Variants in CHADL observed in about 807,000 individuals in gnomAD.
The protein encoded by CHADL is chondroadherin like.
In CHADL, 48 loss-of-function variants were observed where a neutral mutation model predicts 52.1. That is an observed-to-expected ratio of 0.92 (90% CI 0.73 to 1.17). CHADL has a LOEUF of 1.17. Ranked by LOEUF, CHADL falls within the 50% of genes most tolerant of loss-of-function variation. CHADL has a pLI of 0.00. For synonymous variants in CHADL, 498 were observed against 511.2 expected (o/e 0.97, Z 0.35); for missense variants, 977 against 1,035.1 (o/e 0.94, Z 0.77).
At chr22:41,230,757 A>G (rs1284775631) in intron 5 of CHADL, 1 of 154,040 alleles carries the variant, frequency 6.5e-6, no homozygotes, top group Non-Finnish European at 1.4e-5. Flanking sequence ...AAATTCACCA[A>G]GCAGAATGCC....
Position 41,238,421 on chromosome 22 carries a change from C to A in CHADL, c.651G>T (p.Glu217Asp). ...AGACAGGCCCGGGCAGAGCCTGGAG[C>A]TCGTTGTGGTGTAGGCTGAGCCGTC... ...ALRRLSLHHN[E>D]LQALPGPVLS... Residue 217 changes from glutamate (E) to aspartate (D), a missense_variant, in exon 3 of 6, where the codon GAG (glutamate) becomes GAT (aspartate). Physicochemically the swap from Glu to Asp is conservative, Grantham distance 45. Transcript: ENST00000216241. This position sits in a 1 kb window ranked among gnomAD's most constrained non-coding sequence, Gnocchi z 4.9. 6.6e-7 allele frequency: 1 copy of A among 1,521,404 alleles called. No individual in the cohort carries two copies. Among genetic ancestry groups the A allele is most frequent in the South Asian group, 1.2e-5 (1 of 81,624 alleles). The allele number at this position is 1,521,404 out of a possible 1,614,324, so 94.2% of individuals were successfully genotyped here.
At position 41,238,616 on chromosome 22, in the gene CHADL, C is replaced by T. The variant is rs1313875238; in HGVS notation, c.456G>A (p.Gly152=). ...EGNALEELRP[G]TFGALGALAT... Reference sequence around the variant, plus strand: ...CCAGCGCACCCAGTGCCCCGAACGTCCCCGGCCGCAGCTCCTCCAGTGCGT... The same window carrying T: ...CCAGCGCACCCAGTGCCCCGAACGTTCCCGGCCGCAGCTCCTCCAGTGCGT... Residue 152 remains glycine (G), a synonymous_variant, in exon 3 of 6, where the codon GGG becomes GGA. Coordinates refer to ENST00000216241, the MANE Select transcript of CHADL (RefSeq NM_138481.2). The surrounding 1 kb of genome is among the most constrained non-coding windows in gnomAD (Gnocchi z 4.9). 1 of 1,544,654 alleles carries T rather than the reference C, an allele frequency of 6.5e-7. No individual in the cohort carries two copies. Among genetic ancestry groups the T allele is most frequent in the South Asian group, 1.2e-5 (1 of 84,034 alleles).
chr22:41,233,944 G>A (rs544325283), intron 5 of CHADL, among the ~76,000 whole-genome samples: 105 of 152,254 alleles, frequency 6.9e-4, no homozygotes, highest in African/African-American at 2.4e-3. Flanking sequence ...TCCTACATAC[G>A]GGGGTGCCTG....
At chr22:41,234,658 A>G (rs1231945519) in intron 5 of CHADL, among the ~76,000 whole-genome samples, 1 of 151,710 alleles carries the variant, frequency 6.6e-6, no homozygotes, top group Non-Finnish European at 1.5e-5. Context: ...GGCTCACGCC[A>G]TTCTCCTGCC....
Position 41,240,873 on chromosome 22 carries a change from C to G in CHADL, c.8+1G>C. The G allele has an allele frequency of 6.4e-7, 1 of 1,550,666 alleles. No individual in the cohort carries two copies. ...TTGCACCATCGGGCCCAAAGACTCA[C>G]CCCTCCATGCCGCCTGGAACTGCTG... On this transcript the variant is annotated splice_donor_variant, in intron 1 of 5. Transcript: ENST00000216241. LOFTEE classifies it high-confidence loss of function.
At chr22:41,233,925 G>T (rs1569157926) in intron 5 of CHADL, among the ~76,000 whole-genome samples, 1 of 152,210 alleles carries the variant, frequency 6.6e-6, no homozygotes, top group Non-Finnish European at 1.5e-5. Context: ...TGGCCTTACA[G>T]GCAGTGGTTC....
intron 2 of CHADL, 98 bp downstream of exon 2, chr22:41,239,345 G>A (rs1446817437): frequency 6.3e-6 from 7 of 1,112,092 alleles, no homozygotes; most frequent in South Asian, 1.5e-5. Context: ...CTCCCGGGCA[G>A]GCGGTGGCAG....
chr22:41,238,060 C>A lies in CHADL; in HGVS notation c.1012G>T (p.Gly338Trp). 7.8e-7 allele frequency: 1 copy of A among 1,275,310 alleles called. No individual in the cohort carries two copies. Among genetic ancestry groups the A allele is most frequent in the Admixed American group, 4.2e-5 (1 of 23,610 alleles). 79.0% of individuals were successfully genotyped at this position (1,275,310 alleles called of 1,614,324 possible). Residue 338 changes from glycine (G) to tryptophan (W), a missense_variant, in exon 3 of 6, where the codon GGG (glycine) becomes TGG (tryptophan). Coordinates refer to ENST00000216241, the MANE Select transcript of CHADL (RefSeq NM_138481.2). The surrounding 1 kb of genome is among the most constrained non-coding windows in gnomAD (Gnocchi z 4.9). ...GCCTCGCCCCGCAGGCGCCGCGGCCCCTGGCACGCGCCGTCCGAGCGCACG... is the reference window on the plus strand; with the variant it reads ...GCCTCGCCCCGCAGGCGCCGCGGCCACTGGCACGCGCCGTCCGAGCGCACG... The part of the protein sequence containing the change: ...ARVRSDGACQ[G>W]PRRLRGEALD...
intron 4 of CHADL, 148 bp from the exon 5 acceptor site, chr22:41,235,491 G>A (rs1032772025): frequency 3.0e-6 from 2 of 673,406 alleles, no homozygotes; most frequent in African/African-American, 3.6e-5. Flanking sequence ...ACAAGCATTT[G>A]CCAGCTTTCC....
chr22:41,229,604 G>A lies in CHADL; in HGVS notation c.*100C>T. 1 of 1,613,846 alleles carries A rather than the reference G, an allele frequency of 6.2e-7. No individual in the cohort carries two copies. The highest frequency in any genetic ancestry group is 1.1e-5 in the South Asian group (1 of 91,078). ...AGGGGTCCAAGAAGCCCCTGCTGGA[G>A]GACGACCCTCAGGGTGCCAGGAAGA... On this transcript the variant is annotated 3_prime_UTR_variant, in exon 6 of 6. Transcript: ENST00000216241.
At position 41,239,337 on chromosome 22, in the gene CHADL, C is replaced by T. The variant is rs983377777; in HGVS notation, c.186+106G>A. On this transcript the variant is annotated intron_variant, in intron 2 of 5. Transcript: ENST00000216241. ...AAAGAGAAGTAATTTGCCAAGGTCT[C>T]CCGGGCAGGCGGTGGCAGATCAACT... The T allele has an allele frequency of 2.2e-5, 23 of 1,030,484 alleles. No individual in the cohort carries two copies. The African/African-American group carries it at 3.1e-4, about 14-fold the overall frequency. 63.8% of individuals were successfully genotyped at this position (1,030,484 alleles called of 1,614,324 possible). A position where few individuals can be genotyped will look rare whatever the true frequency, so the allele number is the denominator to read the frequency against.
intron 5 of CHADL, chr22:41,230,336 G>T (rs2032516453): frequency 3.0e-6 from 3 of 985,076 alleles, no homozygotes; most frequent in Middle Eastern, 2.1e-4. Flanking sequence ...CCTGACTTTG[G>T]CTTGGAGACT....
At chr22:41,231,325 C>G (rs1477654520) in intron 5 of CHADL, 3 of 152,254 alleles carry the variant, frequency 2.0e-5, no homozygotes, top group Non-Finnish European at 2.9e-5. Flanking sequence ...CCCCACCCCC[C>G]CACCTCGTGG....
At position 41,235,219 on chromosome 22, in the gene CHADL, C is replaced by T. The variant is rs1221885159; in HGVS notation, c.2188G>A (p.Ala730Thr). 7.1e-6 allele frequency: 11 copies of T among 1,551,392 alleles called. No individual in the cohort carries two copies. The highest frequency in any genetic ancestry group is 8.7e-6 in the Non-Finnish European group (10 of 1,147,022). ...EDCPGWAARKAKRTPASRPSA... is the reference protein window; with the variant it reads ...EDCPGWAARKTKRTPASRPSA... The stretch of plus-strand genomic sequence containing the variant: ...GGCCTGGAGGCTGGTGTCCGCTTGG[C>T]CTTTCTGGCAGCCCAGCCCGGGCAG... The change falls in exon 5 of 6, where the codon GCC becomes ACC. Residue 730 changes from alanine (A) to threonine (T), a missense_variant. Ala to Thr is a moderately conservative substitution (Grantham distance 58, BLOSUM62 0). Coordinates refer to ENST00000216241, the MANE Select transcript of CHADL (RefSeq NM_138481.2).
rs1476094679 is a variant in CHADL at position 41,237,358 on chromosome 22, C to T, written c.1714G>A (p.Glu572Lys). ...TGATTCCTGTCCAGGTGCAGCTTCT[C>T]CAGCTCCCGAGCTGGGCCCAGCGCC... ...LGALGPAREL[E>K]KLHLDRNQLR... is the part of the protein sequence containing the mutation. The change falls in exon 3 of 6, where the codon GAG becomes AAG. Residue 572 changes from glutamate to lysine, a missense_variant. Physicochemically the swap from Glu to Lys is moderately conservative, Grantham distance 56 (BLOSUM62 1). Transcript: ENST00000216241. The T allele has an allele frequency of 2.6e-6, 4 of 1,550,556 alleles. No individual in the cohort carries two copies. Among genetic ancestry groups the T allele is most frequent in the Non-Finnish European group, 3.5e-6 (4 of 1,146,970 alleles).
intron 5 of CHADL, among the ~76,000 whole-genome samples, chr22:41,234,800 G>A (rs1446293777): frequency 1.3e-4 from 20 of 151,872 alleles, no homozygotes; most frequent in African/African-American, 4.1e-4. Context: ...TGATCTGCAC[G>A]CCTCGGCCTC....
At chr22:41,230,642 C>T (rs722518) in intron 5 of CHADL, 1 of 210,376 alleles carries the variant, frequency 4.8e-6, no homozygotes, top group African/African-American at 2.3e-5. Context: ...ACAGTGAACT[C>T]TGTCTGCCTG....
chr22:41,234,981 G>A (rs897238045), intron 5 of CHADL, among the ~76,000 whole-genome samples, 164 bp downstream of exon 5: 8 of 152,180 alleles, frequency 5.3e-5, no homozygotes, highest in African/African-American at 1.2e-4. Context: ...GAGCCACCGC[G>A]CCCAGCCTCG....
Position 41,238,660 on chromosome 22 carries a change from G to A in CHADL, c.412C>T (p.Arg138Trp), listed in dbSNP as rs1293568485. Residue 138 changes from arginine to tryptophan, a missense_variant, in exon 3 of 6, where the codon CGG becomes TGG. Arg to Trp is a moderately radical substitution (Grantham distance 101, BLOSUM62 -3). Transcript: ENST00000216241. The surrounding 1 kb of genome is among the most constrained non-coding windows in gnomAD (Gnocchi z 4.9). ...EALDGLGSLR[R>W]LELEGNALEE... ...AGTGCGTTCCCCTCCAGCTCCAGCC[G>A]CCGCAACGAGCCCAGCCCGTCCAGC... 4 of 1,544,556 alleles carry A rather than the reference G, an allele frequency of 2.6e-6. No individual in the cohort carries two copies. Among genetic ancestry groups the A allele is most frequent in the South Asian group, 1.2e-5 (1 of 83,960 alleles).
Sources: gnomAD v4.1 joint callset for allele counts (sites outside exome capture counted in the v4.1 genomes callset) on GRCh38, gnomAD v4.1.1 for gene constraint, Gnocchi (gnomAD v3.1) non-coding constraint, MANE v1.5 for transcripts, NCBI Gene and HGNC (gene_info 2026-07-23, HGNC 2026-07-21) for gene names.